The following RORB variants were observed in gnomAD, a reference collection of about 807,000 sequenced individuals.
RORB encodes RAR related orphan receptor B.
In RORB, 6 loss-of-function variants were observed where a neutral mutation model predicts 59.1. That is an observed-to-expected ratio of 0.10 (90% CI 0.06 to 0.20). The LOEUF (loss-of-function observed/expected upper bound fraction) is 0.20. RORB is among the 10% of genes least tolerant of loss of function. The probability of loss-of-function intolerance (pLI) is 1.00; values close to 1 mark genes in which losing one functional copy is unlikely to be tolerated. For synonymous variants in RORB, 215 were observed against 204.5 expected (o/e 1.05, Z -0.44); for missense variants, 320 against 560.5 (o/e 0.57, Z 4.33).
intron 9 of RORB, among the ~76,000 whole-genome samples, chr9:74,672,172 A>G (rs1341859876): frequency 1.3e-5 from 2 of 152,206 alleles, no homozygotes; most frequent in Non-Finnish European, 2.9e-5. Flanking sequence ...TCATCAGAAG[A>G]ACAAGCACTC....
chr9:74,683,854 A>G (rs1457619326), intron 9 of RORB, among the ~76,000 whole-genome samples: 3 of 152,198 alleles, frequency 2.0e-5, no homozygotes, highest in Admixed American at 6.5e-5. Flanking sequence ...ACTACAAACA[A>G]GAGTCATAAT....
chr9:74,505,285 T>C (rs987590433), intron 1 of RORB, among the ~76,000 whole-genome samples: 1 of 152,098 alleles, frequency 6.6e-6, no homozygotes, highest in Non-Finnish European at 1.5e-5. Context: ...GAAAACTTTG[T>C]CAAACTCATT....
chr9:74,499,940 G>T (rs573549075), intron 1 of RORB, among the ~76,000 whole-genome samples: 6 of 152,254 alleles, frequency 3.9e-5, no homozygotes, highest in East Asian at 3.9e-4. Flanking sequence ...AGTGCGGCGC[G>T]GGGTGGGGAT....
In RORB at chr9:74,628,055, T is replaced by C. The variant is rs542109118; in HGVS notation, c.8-2227T>C. 2.6e-5 allele frequency among the ~76,000 whole-genome samples: 4 copies of C among 152,304 alleles called. No individual in the cohort carries two copies. In the South Asian group the frequency reaches 8.3e-4, roughly 32 times the overall value. On this transcript the variant is annotated intron_variant, in intron 1 of 9. Coordinates refer to ENST00000376896, the MANE Select transcript of RORB (RefSeq NM_006914.4). ...CTCACAAATCTATGAAGTTTGTCAG[T>C]TAAGCTTTATAAACTAGAAAGCATA...
At chr9:74,586,028 T>A (rs1002578623) in intron 1 of RORB, among the ~76,000 whole-genome samples, 4 of 151,824 alleles carry the variant, frequency 2.6e-5, no homozygotes, top group African/African-American at 9.7e-5. Flanking sequence ...TCTCCTGACC[T>A]CGTGATCCGC....
At chr9:74,555,720 A>G (rs1036002343) in intron 1 of RORB, among the ~76,000 whole-genome samples, 1 of 152,192 alleles carries the variant, frequency 6.6e-6, no homozygotes, top group African/African-American at 2.4e-5. Flanking sequence ...TTCCAATTAG[A>G]GCTTGGGCTC....
chr9:74,648,786 A>G (rs970013873), intron 4 of RORB, among the ~76,000 whole-genome samples: 8 of 152,192 alleles, frequency 5.3e-5, no homozygotes, highest in African/African-American at 1.7e-4. Context: ...GAGCAGCTCA[A>G]GGAAAGGGTA....
intron 1 of RORB, among the ~76,000 whole-genome samples, chr9:74,543,971 C>G (rs181641679): frequency 6.6e-6 from 1 of 152,250 alleles, no homozygotes; most frequent in East Asian, 1.9e-4. Context: ...ACTCAAGCTG[C>G]TAGAGGGTTT....
intron 1 of RORB, among the ~76,000 whole-genome samples, chr9:74,592,317 T>C (rs2118292122): frequency 6.6e-6 from 1 of 152,348 alleles, no homozygotes; most frequent in East Asian, 1.9e-4. Flanking sequence ...CAGAATCTTA[T>C]AAAAATCACT....
chr9:74,617,535 G>A (rs140303576), intron 1 of RORB, among the ~76,000 whole-genome samples: 1 of 152,110 alleles, frequency 6.6e-6, no homozygotes, highest in Admixed American at 6.6e-5. Flanking sequence ...AAGATATCTC[G>A]GGTCCCATAA....
At chr9:74,569,750 A>G (rs10869423) in intron 1 of RORB, among the ~76,000 whole-genome samples, 62,984 of 151,860 alleles carry the variant, frequency 0.41, 14,066 homozygotes, top group East Asian at 0.77. Flanking sequence ...AAAGGAAATT[A>G]TATACTGCAT....
At chr9:74,528,252 A>C (rs1302398799) in intron 1 of RORB, among the ~76,000 whole-genome samples, 2 of 152,016 alleles carry the variant, frequency 1.3e-5, no homozygotes, top group South Asian at 2.1e-4. Context: ...CAAGTGTTGA[A>C]ACACTTTTAA....
intron 1 of RORB, among the ~76,000 whole-genome samples, chr9:74,538,663 T>C (rs1826358715): frequency 6.6e-6 from 1 of 150,474 alleles, no homozygotes; most frequent in Non-Finnish European, 1.5e-5. Flanking sequence ...TGCATGTATG[T>C]ACAGATTATA....
At chr9:74,661,023 C>G (rs1824171967) in intron 5 of RORB, among the ~76,000 whole-genome samples, 1 of 152,140 alleles carries the variant, frequency 6.6e-6, no homozygotes, top group African/African-American at 2.4e-5. Context: ...CTACAGAGAC[C>G]GTGCCTTCAT....
At chr9:74,516,668 G>A (rs1164889321) in intron 1 of RORB, among the ~76,000 whole-genome samples, 4 of 151,992 alleles carry the variant, frequency 2.6e-5, no homozygotes, top group African/African-American at 9.7e-5. Context: ...GACTTGGTTT[G>A]GCATTCAGTG....
chr9:74,650,361 A>T (rs1352998807), intron 4 of RORB, among the ~76,000 whole-genome samples: 1 of 152,158 alleles, frequency 6.6e-6, no homozygotes, highest in Non-Finnish European at 1.5e-5. Context: ...TTTTTGGAAG[A>T]GCTGGTAAGA....
At chr9:74,596,572 A>G (rs1314242744) in intron 1 of RORB, among the ~76,000 whole-genome samples, 3 of 152,164 alleles carry the variant, frequency 2.0e-5, no homozygotes, top group Non-Finnish European at 4.4e-5. Flanking sequence ...CATTTAGAAC[A>G]CACACTGATT....
intron 6 of RORB, among the ~76,000 whole-genome samples, chr9:74,665,158 C>T (rs534478951): frequency 6.6e-6 from 1 of 152,222 alleles, no homozygotes; most frequent in Admixed American, 6.5e-5. Context: ...CCAGCTTAGC[C>T]ACCTGTAAAA....
chr9:74,662,668 G>C, intron 6 of RORB, 62 bp downstream of exon 6: 1 of 1,554,722 alleles, frequency 6.4e-7, no homozygotes. Context: ...CCTTAGCACT[G>C]TGTTGGTTCT....
Sources: gnomAD v4.1 joint callset for allele counts (sites outside exome capture counted in the v4.1 genomes callset) on GRCh38, gnomAD v4.1.1 for gene constraint, MANE v1.5 for transcripts, NCBI Gene and HGNC (gene_info 2026-07-23, HGNC 2026-07-21) for gene names.